The following POLR3A variants were observed in gnomAD, a reference collection of about 807,000 sequenced individuals.
POLR3A encodes DNA-directed RNA polymerase III subunit RPC1.
POLR3A carries 112 observed loss-of-function variants against 152.8 expected under a neutral mutation model. The observed-to-expected ratio is 0.73, with a 90% CI of 0.63 to 0.86. POLR3A has a LOEUF of 0.86. Ranked by LOEUF, POLR3A falls within the 40% of genes least tolerant of loss-of-function variation. The probability of loss-of-function intolerance (pLI) is 0.00; values close to 1 mark genes in which losing one functional copy is unlikely to be tolerated. For missense variants in POLR3A, 1,385 were observed against 1,743.1 expected (o/e 0.79, Z 3.66); for synonymous variants, 615 against 652.1 (o/e 0.94, Z 0.87).
At chr10:77,995,393 A>C (rs1281797587) in intron 19 of POLR3A, among the ~76,000 whole-genome samples, 1 of 152,178 alleles carries the variant, frequency 6.6e-6, no homozygotes, top group Non-Finnish European at 1.5e-5. Flanking sequence ...AAGACCCATC[A>C]GTGTGCTGTA....
In POLR3A at chr10:78,022,259, C is replaced by A. The variant is rs1368902319; in HGVS notation, c.771G>T (p.Val257=). 1 of 1,614,098 alleles carries A rather than the reference C, an allele frequency of 6.2e-7. No homozygotes were observed. Among genetic ancestry groups the A allele is most frequent in the Non-Finnish European group, 8.5e-7 (1 of 1,180,032 alleles). Residue 257 remains valine (V), a synonymous_variant, in exon 6 of 31, where the codon GTG becomes GTT. Transcript: ENST00000372371. The part of the protein sequence containing the change: ...PSDLILTRLL[V]PPLCIRPSVV... ...CGGAGGGTCTGATACACAAAGGAGG[C>A]ACCAAAAGTCGTGTGAGAATCAAAT...
chr10:77,977,991 C>T (rs1176397280), intron 30 of POLR3A, among the ~76,000 whole-genome samples: 1 of 152,142 alleles, frequency 6.6e-6, no homozygotes, highest in Non-Finnish European at 1.5e-5. Context: ...TCTAAGTTTG[C>T]CACCCAGTGC....
chr10:78,013,744 C>A lies in POLR3A; in HGVS notation c.1478G>T (p.Cys493Phe). ...ATCAAAGTCAGCATTATAGGGTGTA[C>A]AGACACACTCATTAAATCTGAAGGT... is the stretch of plus-strand genomic sequence containing the variant. The part of the protein sequence containing the change: ...HRTFRFNECV[C>F]TPYNADFDGD... Residue 493 changes from cysteine to phenylalanine, a missense_variant, in exon 11 of 31, where the codon TGT (cysteine) becomes TTT (phenylalanine). Physicochemically the swap from Cys to Phe is radical, Grantham distance 205 (BLOSUM62 -2). Around this residue, in one of 7 missense-constraint regions of POLR3A, gnomAD observed 493 missense variants for 647.5 expected, o/e 0.76. Coordinates refer to ENST00000372371, the MANE Select transcript of POLR3A (RefSeq NM_007055.4). 6.2e-7 allele frequency: 1 copy of A among 1,614,000 alleles called. No individual in the cohort carries two copies. Among genetic ancestry groups the A allele is most frequent in the Non-Finnish European group, 8.5e-7 (1 of 1,179,898 alleles).
At chr10:78,021,233 T>C (rs903492292) in intron 8 of POLR3A, among the ~76,000 whole-genome samples, 2 of 152,264 alleles carry the variant, frequency 1.3e-5, no homozygotes, top group East Asian at 1.9e-4. Flanking sequence ...TCCCTAAGTA[T>C]TGGGATTACA....
intron 1 of POLR3A, 93 bp downstream of exon 1, chr10:78,029,271 C>T: frequency 1.6e-6 from 2 of 1,279,968 alleles, no homozygotes; most frequent in Non-Finnish European, 2.3e-6. Flanking sequence ...CTTCCCATTG[C>T]ACCCCATCTC....
chr10:78,026,013 C>T, intron 2 of POLR3A, 81 bp downstream of exon 2: 1 of 1,554,704 alleles, frequency 6.4e-7, no homozygotes, highest in Non-Finnish European at 8.8e-7. Flanking sequence ...GAAGGAAGCC[C>T]CTGCTCCTTT....
At chr10:77,995,574 A>G (rs570172063) in intron 19 of POLR3A, among the ~76,000 whole-genome samples, 1 of 152,252 alleles carries the variant, frequency 6.6e-6, no homozygotes, top group East Asian at 1.9e-4. Flanking sequence ...AGGCCATTAC[A>G]TAATGGTAAA....
intron 15 of POLR3A, among the ~76,000 whole-genome samples, chr10:78,006,226 G>A (rs1010258669): frequency 2.6e-5 from 4 of 151,368 alleles, no homozygotes; most frequent in Non-Finnish European, 5.9e-5. Flanking sequence ...GTGAAACCCC[G>A]TCTCTACTAA....
intron 16 of POLR3A, 78 bp from the exon 17 acceptor site, chr10:78,002,386 AAGAAATTTGAAAAT>A: frequency 1.0e-6 from 1 of 992,664 alleles, no homozygotes; most frequent in African/African-American, 1.6e-5. Flanking sequence ...CTAACATTTA[AAGAAATTTGAAAAT>A]ACTGAGGCAA....
chr10:77,980,067 C>T lies in POLR3A; in HGVS notation c.4024+74G>A. Reference sequence around the variant, plus strand: ...TCTGCCACTCAGTTTTTTTCATTCCCTTGGAAGCCTAGCCATGGTCTATTT... The same window carrying T: ...TCTGCCACTCAGTTTTTTTCATTCCTTTGGAAGCCTAGCCATGGTCTATTT... On this transcript the variant is annotated intron_variant, in intron 30 of 30. Transcript: ENST00000372371. 4 of 1,422,028 alleles carry T rather than the reference C, an allele frequency of 2.8e-6. No individual in the cohort carries two copies. The South Asian group carries it at 3.5e-5, about 12-fold the overall frequency. The allele number at this position is 1,422,028 out of a possible 1,614,324, so 88.1% of individuals were successfully genotyped here. A position where few individuals can be genotyped will look rare whatever the true frequency, so the allele number is the denominator to read the frequency against.
In POLR3A at chr10:77,986,918, C is replaced by T. The variant is rs73298674; in HGVS notation, c.2902-759G>A. Among the ~76,000 whole-genome samples the T allele has an allele frequency of 6.4e-3, 967 of 152,272 alleles. 4 individuals are homozygous for T. Among genetic ancestry groups the T allele is most frequent in the African/African-American group, 0.022 (911 of 41,568 alleles). On this transcript the variant is annotated intron_variant, in intron 21 of 30. Coordinates refer to ENST00000372371, the MANE Select transcript of POLR3A (RefSeq NM_007055.4). ...AAAATACACAGGTGGAAGATCAGAG[C>T]AGGGCTAGAGACTACAGCCCTGACT...
intron 21 of POLR3A, 39 bp downstream of exon 21, chr10:77,991,015 C>T (rs1342361740): frequency 8.6e-7 from 1 of 1,166,356 alleles, no homozygotes; most frequent in Non-Finnish European, 1.3e-6. Flanking sequence ...TTTACGACAG[C>T]CAGGCTGGGT....
intron 15 of POLR3A, among the ~76,000 whole-genome samples, chr10:78,007,406 T>C (rs923305366): frequency 6.6e-6 from 1 of 152,172 alleles, no homozygotes; most frequent in Non-Finnish European, 1.5e-5. Context: ...CACAGGGACC[T>C]TGGAAGCAGC....
At chr10:77,979,337 G>A (rs1367863907) in intron 30 of POLR3A, among the ~76,000 whole-genome samples, 1 of 152,192 alleles carries the variant, frequency 6.6e-6, no homozygotes, top group African/African-American at 2.4e-5. Context: ...GGCCTGACTG[G>A]TGTGTGCCCC....
In POLR3A at chr10:77,982,829, C is replaced by G; in HGVS notation, c.3430-12G>C. On this transcript the variant is annotated splice_polypyrimidine_tract_variant and intron_variant, in intron 26 of 30. Coordinates refer to ENST00000372371, the MANE Select transcript of POLR3A (RefSeq NM_007055.4). ...GTCTCAGCGTTCACCTGCAACATGG[C>G]CAGGTGTAGGTGTTACTGATTCCAG... The G allele has an allele frequency of 6.2e-7, 1 of 1,612,148 alleles. No individual in the cohort carries two copies. Among genetic ancestry groups the G allele is most frequent in the South Asian group, 1.1e-5 (1 of 91,022 alleles).
chr10:78,021,603 C>T lies in POLR3A; in HGVS notation c.1128G>A (p.Arg376=). 6.2e-7 allele frequency: 1 copy of T among 1,614,128 alleles called. No homozygotes were observed. The highest frequency in any genetic ancestry group is 8.5e-7 in the Non-Finnish European group (1 of 1,179,978). Residue 376 remains arginine (R), a synonymous_variant, in exon 8 of 31, where the codon CGG becomes CGA. Coordinates refer to ENST00000372371, the MANE Select transcript of POLR3A (RefSeq NM_007055.4). ...GAACTGGCACAGCTACCTCATCAAT[C>T]CGGAGGTTGGGGTCGGGCGAGATGA... is the stretch of plus-strand genomic sequence containing the variant. ...RTVISPDPNL[R]IDEVAVPVHV...
Position 77,980,213 on chromosome 10 carries a change from G to T in POLR3A, c.3952C>A (p.Leu1318Met). The change falls in exon 30 of 31, where the codon CTG becomes ATG. Residue 1318 changes from leucine to methionine, a missense_variant. By Grantham distance (15) the Leu-to-Met change is conservative. Coordinates refer to ENST00000372371, the MANE Select transcript of POLR3A (RefSeq NM_007055.4). The part of the protein sequence containing the change: ...LAKMKESVLM[L>M]ASFEKTADHL... ...TCAGCCGTCTTCTCAAAGGAGGCCA[G>T]CATCAGCACACTCTCCTTCATCTTG... The T allele has an allele frequency of 6.2e-7, 1 of 1,613,474 alleles. No individual in the cohort carries two copies. The highest frequency in any genetic ancestry group is 8.5e-7 in the Non-Finnish European group (1 of 1,179,440).
intron 18 of POLR3A, among the ~76,000 whole-genome samples, chr10:78,000,373 A>AGATCTGG (rs1404276781): frequency 1.3e-5 from 2 of 152,190 alleles, no homozygotes; most frequent in Non-Finnish European, 2.9e-5. Flanking sequence ...GGGAAACCTA[A>AGATCTGG]GATCTGGATG....
chr10:77,991,613 C>T lies in POLR3A; in HGVS notation c.2788-446G>A, dbSNP rs534454356. On this transcript the variant is annotated intron_variant, in intron 20 of 30. Coordinates refer to ENST00000372371, the MANE Select transcript of POLR3A (RefSeq NM_007055.4). The stretch of plus-strand genomic sequence containing the variant: ...TCTCGGCTCACTGCAACCTCTGCCT[C>T]CCAGGTTCAAGTGATTCTCTTGCCT... Among the ~76,000 whole-genome samples the T allele has an allele frequency of 1.9e-3, 289 of 152,300 alleles. 1 individual carries two copies. Among genetic ancestry groups the T allele is most frequent in the Non-Finnish European group, 3.0e-3 (204 of 68,028 alleles).
Sources: gnomAD v4.1 joint callset for allele counts (sites outside exome capture counted in the v4.1 genomes callset) on GRCh38, gnomAD v4.1.1 for gene constraint, gnomAD v4.1.1 regional missense constraint, MANE v1.5 for transcripts, NCBI Gene and HGNC (gene_info 2026-07-23, HGNC 2026-07-21) for gene names.